GJC1: variants seen among roughly 807,000 people sequenced by gnomAD.
GJC1 encodes gap junction gamma-1 protein.
In GJC1, 5 loss-of-function variants were observed where a neutral mutation model predicts 29.3. That is an observed-to-expected ratio of 0.17 (90% CI 0.09 to 0.36). The LOEUF is 0.36. GJC1 is among the 10% of genes least tolerant of loss of function. The pLI, the probability that GJC1 is intolerant of heterozygous loss-of-function variation, is 1.00. For missense variants in GJC1, 310 were observed against 496.2 expected (o/e 0.62, Z 3.56); for synonymous variants, 177 against 183.3 (o/e 0.97, Z 0.28).
At chr17:44,813,908 T>A (rs900579649) in intron 1 of GJC1, among the ~76,000 whole-genome samples, 1 of 152,168 alleles carries the variant, frequency 6.6e-6, no homozygotes, top group Non-Finnish European at 1.5e-5. Context: ...TCACTCATTC[T>A]CTAGGCAAGC....
chr17:44,806,400 TG>T lies in GJC1; in HGVS notation c.-20-564del, dbSNP rs1386819882. ...TTTCTCAGACCTTGGTTCTTCTGTT[TG>T]TTTTTTTTTTTTTTTTTTGAGACAG... On this transcript the variant is annotated intron_variant, in intron 2 of 2. Coordinates refer to ENST00000592524, the MANE Select transcript of GJC1 (RefSeq NM_005497.4). Among the ~76,000 whole-genome samples the T allele has an allele frequency of 7.6e-3, 889 of 117,142 alleles. 4 individuals are homozygous for T. Among genetic ancestry groups the T allele is most frequent in the Admixed American group, 0.023 (264 of 11,442 alleles). The allele number at this position is 117,142 out of a possible 152,430, so 76.8% of individuals were successfully genotyped here.
At position 44,830,239 on chromosome 17, in the gene GJC1, C is replaced by T. The variant is rs1359141273; in HGVS notation, c.-274G>A. On this transcript the variant is annotated 5_prime_UTR_variant, in exon 1 of 3. Transcript: ENST00000592524. This position sits in a 1 kb window ranked among gnomAD's most constrained non-coding sequence, Gnocchi z 4.3. ...AGGCAGAAGCCGCTCCCGCCGCTGC[C>T]GCCGCCGCCGCCGCCTCCCGCTCCC... 3 of 159,016 alleles carry T rather than the reference C, an allele frequency of 1.9e-5. No individual in the cohort carries two copies. Among genetic ancestry groups the T allele is most frequent in the Admixed American group, 6.6e-5 (1 of 15,132 alleles). 9.9% of individuals were successfully genotyped at this position (159,016 alleles called of 1,614,324 possible).
intron 1 of GJC1, among the ~76,000 whole-genome samples, chr17:44,809,558 G>A (rs541920980): frequency 9.0e-4 from 136 of 150,968 alleles, no homozygotes; most frequent in African/African-American, 2.9e-3. Context: ...CATCCACAAA[G>A]ATAAATGTGT....
intron 1 of GJC1, among the ~76,000 whole-genome samples, chr17:44,822,152 G>C (rs569584100): frequency 3.0e-5 from 4 of 132,954 alleles, no homozygotes; most frequent in Non-Finnish European, 6.2e-5. Context: ...AGCCAAGATC[G>C]TGCCACTGCA....
chr17:44,821,804 C>T (rs1262722519), intron 1 of GJC1, among the ~76,000 whole-genome samples: 1 of 150,848 alleles, frequency 6.6e-6, no homozygotes, highest in East Asian at 1.9e-4. Flanking sequence ...GGCATCTTGG[C>T]AACAGTTATC....
chr17:44,818,192 G>A (rs1446201952), intron 1 of GJC1, among the ~76,000 whole-genome samples: 1 of 151,678 alleles, frequency 6.6e-6, no homozygotes, highest in African/African-American at 2.4e-5. Context: ...CAGCCTGGGC[G>A]ACAAGAGCGA....
At chr17:44,797,146 C>A (rs1020993753), downstream of GJC1, among the ~76,000 whole-genome samples, 2 of 151,978 alleles carry the variant, frequency 1.3e-5, no homozygotes, top group African/African-American at 4.8e-5. Context: ...AGCTCTGTTG[C>A]CCAGGCTGGA....
chr17:44,816,939 A>C (rs1380879294), intron 1 of GJC1, among the ~76,000 whole-genome samples: 2 of 152,028 alleles, frequency 1.3e-5, no homozygotes, highest in Admixed American at 1.3e-4. Context: ...TGCCAGGCGC[A>C]GTGGTTCACG....
intron 1 of GJC1, among the ~76,000 whole-genome samples, chr17:44,827,787 T>C (rs1307896915): frequency 6.6e-6 from 1 of 151,758 alleles, no homozygotes; most frequent in East Asian, 1.9e-4. Flanking sequence ...AAAAAAAAAT[T>C]AGCCAGGCGT....
intron 1 of GJC1, chr17:44,829,782 C>T (rs990092893): frequency 6.6e-6 from 1 of 152,046 alleles, no homozygotes. Context: ...AGGACACCCC[C>T]GAGCCGTTTC....
In GJC1 at chr17:44,830,236, T is replaced by TGCCGCTGCCGCCGCCGCCGCCGCC. The variant is rs1555561221; in HGVS notation, c.-272_-271insGGCGGCGGCGGCGGCGGCAGCGGC. On this transcript the variant is annotated 5_prime_UTR_variant, in exon 1 of 3. Transcript: ENST00000592524. This position sits in a 1 kb window ranked among gnomAD's most constrained non-coding sequence, Gnocchi z 4.3. Reference sequence around the variant, plus strand: ...CCGAGGCAGAAGCCGCTCCCGCCGCTGCCGCCGCCGCCGCCGCCTCCCGCT... The same window carrying TGCCGCTGCCGCCGCCGCCGCCGCC: ...CCGAGGCAGAAGCCGCTCCCGCCGCTGCCGCTGCCGCCGCCGCCGCCGCCGCCGCCGCCGCCGCCGCCTCCCGCT... 1.2e-5 allele frequency: 2 copies of TGCCGCTGCCGCCGCCGCCGCCGCC among 160,278 alleles called. No individual in the cohort carries two copies. The highest frequency in any genetic ancestry group is 4.9e-5 in the African/African-American group (2 of 41,098). 9.9% of individuals were successfully genotyped at this position (160,278 alleles called of 1,614,324 possible).
chr17:44,797,353 G>A (rs999458930), downstream of GJC1, among the ~76,000 whole-genome samples: 4 of 152,128 alleles, frequency 2.6e-5, no homozygotes, highest in African/African-American at 4.8e-5. Flanking sequence ...TGATCCGCCC[G>A]CCTTGGCCTA....
Position 44,803,143 on chromosome 17 carries a change from A to C in GJC1, c.*1484T>G, listed in dbSNP as rs2049871476. Reference sequence around the variant, plus strand: ...GGCATTTTACAATTAAGATATAAAAAATATTCATACTTTCAGAATTTCCAA... The same window carrying C: ...GGCATTTTACAATTAAGATATAAAACATATTCATACTTTCAGAATTTCCAA... On this transcript the variant is annotated 3_prime_UTR_variant, in exon 3 of 3. Coordinates refer to ENST00000592524, the MANE Select transcript of GJC1 (RefSeq NM_005497.4). 6.6e-6 allele frequency: 1 copy of C among 152,194 alleles called. No homozygotes were observed. The highest frequency in any genetic ancestry group is 6.6e-5 in the Admixed American group (1 of 15,266). 9.4% of individuals were successfully genotyped at this position (152,194 alleles called of 1,614,324 possible). A position where few individuals can be genotyped will look rare whatever the true frequency, so the allele number is the denominator to read the frequency against.
upstream of GJC1, among the ~76,000 whole-genome samples, chr17:44,831,342 T>A (rs2050228426): frequency 6.6e-6 from 1 of 152,232 alleles, no homozygotes; most frequent in Non-Finnish European, 1.5e-5. Flanking sequence ...GCTGCTTACT[T>A]TGAGCTTCTC....
chr17:44,817,483 G>A (rs2050056629), intron 1 of GJC1, among the ~76,000 whole-genome samples: 1 of 151,836 alleles, frequency 6.6e-6, no homozygotes, highest in South Asian at 2.1e-4. Context: ...GGCTGAGGCG[G>A]GCGGATCACC....
At position 44,801,155 on chromosome 17, in the gene GJC1, G is replaced by A. The variant is rs1219519951; in HGVS notation, c.*3472C>T. 3 of 152,062 alleles carry A rather than the reference G, an allele frequency of 2.0e-5. No individual in the cohort carries two copies. In the East Asian group the frequency reaches 5.8e-4, roughly 29 times the overall value. 9.4% of individuals were successfully genotyped at this position (152,062 alleles called of 1,614,324 possible). A position where few individuals can be genotyped will look rare whatever the true frequency, so the allele number is the denominator to read the frequency against. On this transcript the variant is annotated 3_prime_UTR_variant, in exon 3 of 3. Transcript: ENST00000592524. ...AAAAAATCAGCCTGGTATGGTGGTG[G>A]TGCCTGTAATCCCAGCTACTCGGGA...
chr17:44,810,024 A>T (rs1198151065), intron 1 of GJC1, among the ~76,000 whole-genome samples: 1 of 145,760 alleles, frequency 6.9e-6, no homozygotes, highest in Non-Finnish European at 1.5e-5. Flanking sequence ...ACGCTTGGCT[A>T]TTTTTTTTTT....
intron 1 of GJC1, among the ~76,000 whole-genome samples, chr17:44,813,948 G>A: frequency 6.6e-6 from 1 of 152,186 alleles, no homozygotes; most frequent in East Asian, 1.9e-4. Flanking sequence ...TATTAACAAA[G>A]CATTAAGGAT....
At chr17:44,796,763 CTTGT>C (rs1369434579), downstream of GJC1, among the ~76,000 whole-genome samples, 8 of 152,004 alleles carry the variant, frequency 5.3e-5, no homozygotes, top group African/African-American at 1.7e-4. Flanking sequence ...CCCCAGAGAA[CTTGT>C]TAGTTCTGAT....
Sources: allele counts gnomAD v4.1 joint callset (sites outside exome capture counted in the v4.1 genomes callset), GRCh38; gene constraint gnomAD v4.1.1; non-coding constraint Gnocchi (gnomAD v3.1); transcripts MANE v1.5; gene names NCBI Gene and HGNC (gene_info 2026-07-23, HGNC 2026-07-21).